The following ZNF723 variants were observed in gnomAD, a reference collection of about 807,000 sequenced individuals.
ZNF723 encodes the protein zinc finger protein 723, pseudogene.
A neutral mutation model predicts 9.4 loss-of-function variants in ZNF723; 5 were observed. That is an observed-to-expected ratio of 0.53 (90% CI 0.28 to 1.12). The LOEUF (loss-of-function observed/expected upper bound fraction) is 1.12. ZNF723 is among the 50% of genes most tolerant of loss of function. ZNF723 has a pLI of 0.10. For missense variants in ZNF723, 450 were observed against 501.5 expected (o/e 0.90, Z 0.98); for synonymous variants, 158 against 168.8 (o/e 0.94, Z 0.49).
chr19:22,821,076 A>G, the ZNF723 span, among the ~76,000 whole-genome samples: 3 of 152,206 alleles, frequency 2.0e-5, no homozygotes, highest in Non-Finnish European at 4.4e-5. Flanking sequence ...CTCAGTTTGC[A>G]TTTGAAATTG....
At chr19:22,856,229 G>A (rs998721481) in intron 3 of ZNF723, among the ~76,000 whole-genome samples, 1 of 152,146 alleles carries the variant, frequency 6.6e-6, no homozygotes, top group African/African-American at 2.4e-5. Flanking sequence ...GAAGTGCTGG[G>A]ATTATAGACA....
the ZNF723 span, among the ~76,000 whole-genome samples, chr19:22,825,248 G>C: frequency 2.6e-5 from 4 of 152,166 alleles, no homozygotes; most frequent in Admixed American, 1.3e-4. Flanking sequence ...TTCATACCAG[G>C]ACACCGTCCT....
At position 22,857,910 on chromosome 19, in the gene ZNF723, T is replaced by G. The variant is rs767929204; in HGVS notation, c.1019T>G (p.Leu340Arg). The G allele has an allele frequency of 7.2e-7, 1 of 1,398,002 alleles. No individual in the cohort carries two copies. The highest frequency in any genetic ancestry group is 9.9e-7 in the Non-Finnish European group (1 of 1,005,980). The allele number at this position is 1,398,002 out of a possible 1,614,324, so 86.6% of individuals were successfully genotyped here. A position where few individuals can be genotyped will look rare whatever the true frequency, so the allele number is the denominator to read the frequency against. The change falls in exon 4 of 4, where the codon CTC becomes CGC. Residue 340 changes from leucine to arginine, a missense_variant. This residue lies in a region of ZNF723 where 237 missense variants were observed against 332.2 expected (regional missense o/e 0.71). Coordinates refer to ENST00000600766, the MANE Select transcript of ZNF723 (RefSeq NM_001349726.2). ...THKRIHTGEK[L>R]YKCEECGKAF... ...AAGAGAATTCATACTGGAGAGAAAC[T>G]CTACAAATGTGAAGAATGTGGCAAA...
chr19:22,830,454 C>T (rs388964), upstream of ZNF723, among the ~76,000 whole-genome samples: 16 of 151,828 alleles, frequency 1.1e-4, no homozygotes, highest in African/African-American at 3.4e-4. Context: ...AAGTGTGAGG[C>T]GCCGTGTGCT....
the ZNF723 span, among the ~76,000 whole-genome samples, chr19:22,827,276 C>T: frequency 6.6e-6 from 1 of 152,202 alleles, no homozygotes; most frequent in Non-Finnish European, 1.5e-5. Flanking sequence ...TGGTAGAATA[C>T]ATTGTGTATT....
chr19:22,819,640 T>C, the ZNF723 span, among the ~76,000 whole-genome samples: 1 of 152,250 alleles, frequency 6.6e-6, no homozygotes, highest in African/African-American at 2.4e-5. Context: ...TCTTTTTTAC[T>C]TTGTGAGTCC....
At chr19:22,840,603 T>G (rs547272951) in intron 1 of ZNF723, 1 of 152,338 alleles carries the variant, frequency 6.6e-6, no homozygotes, top group Non-Finnish European at 1.5e-5. Context: ...AATCTGAGTT[T>G]TGTTTTTAAA....
the ZNF723 span, among the ~76,000 whole-genome samples, chr19:22,824,553 G>A: frequency 2.6e-5 from 4 of 152,076 alleles, no homozygotes; most frequent in South Asian, 2.1e-4. Context: ...TAAAGTCTTC[G>A]TCTGTTACTT....
At chr19:22,852,153 G>T (rs1967406625) in intron 3 of ZNF723, among the ~76,000 whole-genome samples, 1 of 152,002 alleles carries the variant, frequency 6.6e-6, no homozygotes, top group Non-Finnish European at 1.5e-5. Flanking sequence ...AGTAATCTCT[G>T]TATTACTTTT....
At chr19:22,831,943 C>T (rs1967102665), upstream of ZNF723, among the ~76,000 whole-genome samples, 1 of 152,104 alleles carries the variant, frequency 6.6e-6, no homozygotes, top group Admixed American at 6.6e-5. Context: ...AAATCTTAGG[C>T]TGCCTCTTTA....
chr19:22,847,158 C>G (rs1967324524), intron 1 of ZNF723, among the ~76,000 whole-genome samples: 1 of 151,778 alleles, frequency 6.6e-6, no homozygotes, highest in African/African-American at 2.4e-5. Flanking sequence ...TCACTGCAAC[C>G]TCTGCCTCCT....
At chr19:22,824,752 A>G in the ZNF723 span, among the ~76,000 whole-genome samples, 23,238 of 152,112 alleles carry the variant, frequency 0.15, 1,824 homozygotes, top group Non-Finnish European at 0.18. Context: ...CAAATCTCAC[A>G]TGTAAATGCT....
At position 22,848,314 on chromosome 19, in the gene ZNF723, A is replaced by G; in HGVS notation, c.57A>G (p.Gln19=). 1 of 1,388,100 alleles carries G rather than the reference A, an allele frequency of 7.2e-7. No homozygotes were observed. The highest frequency in any genetic ancestry group is 1.0e-6 in the Non-Finnish European group (1 of 993,048). The allele number at this position is 1,388,100 out of a possible 1,614,324, so 86.0% of individuals were successfully genotyped here. A position where few individuals can be genotyped will look rare whatever the true frequency, so the allele number is the denominator to read the frequency against. ...TAAAATTTTCTCTGGAGGAGTGGCA[A>G]TTCCTGGACACTGCACAGCAGAATT... ...VAIKFSLEEW[Q]FLDTAQQNLY... is the part of the protein sequence containing the mutation. The change falls in exon 2 of 4, where the codon CAA becomes CAG. Residue 19 remains glutamine (Q), a synonymous_variant. Transcript: ENST00000600766.
At chr19:22,820,779 A>G in the ZNF723 span, among the ~76,000 whole-genome samples, 1 of 152,182 alleles carries the variant, frequency 6.6e-6, no homozygotes, top group Non-Finnish European at 1.5e-5. Flanking sequence ...GGTGTTTCTC[A>G]TATGCACACC....
chr19:22,842,655 T>C (rs1967263217), intron 1 of ZNF723, among the ~76,000 whole-genome samples: 1 of 152,178 alleles, frequency 6.6e-6, no homozygotes. Context: ...GCTTTTTTTC[T>C]TTTAGGTAGA....
intron 1 of ZNF723, chr19:22,840,818 C>T (rs1967234161): frequency 6.6e-6 from 1 of 152,142 alleles, no homozygotes; most frequent in African/African-American, 2.4e-5. Flanking sequence ...TTTCATGTCA[C>T]CATTTTAAAT....
chr19:22,822,317 A>G, the ZNF723 span, among the ~76,000 whole-genome samples: 105 of 152,320 alleles, frequency 6.9e-4, no homozygotes, highest in Admixed American at 1.2e-3. Context: ...TGACTGTCAT[A>G]TGTAAATCTG....
At chr19:22,816,689 C>T in the ZNF723 span, among the ~76,000 whole-genome samples, 632 of 149,990 alleles carry the variant, frequency 4.2e-3, 3 homozygotes, top group African/African-American at 0.014. Flanking sequence ...TTAGTCAATG[C>T]GAATCTACAC....
the ZNF723 span, among the ~76,000 whole-genome samples, chr19:22,827,170 CT>C: frequency 6.6e-6 from 1 of 152,150 alleles, no homozygotes; most frequent in Non-Finnish European, 1.5e-5. Context: ...ATTAAATGTT[CT>C]AACTAAAGTT....
Sources: allele counts gnomAD v4.1 joint callset (sites outside exome capture counted in the v4.1 genomes callset), GRCh38; gene constraint gnomAD v4.1.1; regional missense constraint gnomAD v4.1.1; transcripts MANE v1.5; gene names NCBI Gene and HGNC (gene_info 2026-07-23, HGNC 2026-07-21).